Variants in ERBB4 observed in about 807,000 individuals in gnomAD.
The protein encoded by ERBB4 is erb-b2 receptor tyrosine kinase 4.
Under a neutral mutation model 158.0 loss-of-function variants are expected in ERBB4, and 42 were observed. The ratio of observed to expected loss-of-function variants is 0.27; its 90% confidence interval spans 0.21 to 0.34. ERBB4 has a LOEUF of 0.34. ERBB4 is among the 10% of genes least tolerant of loss of function. The pLI is 1.00. For synonymous variants in ERBB4, 583 were observed against 558.7 expected (o/e 1.04, Z -0.61); for missense variants, 1,333 against 1,624.1 (o/e 0.82, Z 3.08).
chr2:211,714,027 G>T (rs1199440062), intron 7 of ERBB4, among the ~76,000 whole-genome samples: 1 of 152,200 alleles, frequency 6.6e-6, no homozygotes, highest in African/African-American at 2.4e-5. Context: ...AAGCACAAAT[G>T]AAGCTTAAGT....
At chr2:211,840,900 G>A (rs1010677928) in intron 3 of ERBB4, among the ~76,000 whole-genome samples, 3 of 151,842 alleles carry the variant, frequency 2.0e-5, no homozygotes, top group Non-Finnish European at 4.4e-5. Context: ...AGATCAAGTG[G>A]GACACTTGCC....
intron 20 of ERBB4, among the ~76,000 whole-genome samples, chr2:211,521,258 C>T (rs1460817108): frequency 1.3e-5 from 2 of 152,100 alleles, no homozygotes; most frequent in East Asian, 3.9e-4. Context: ...AGTGCTACTC[C>T]AGTGAACACA....
At position 211,543,612 on chromosome 2, in the gene ERBB4, G is replaced by C. The variant is rs1363649231; in HGVS notation, c.2487+18291C>G. 2.0e-5 allele frequency among the ~76,000 whole-genome samples: 3 copies of C among 151,826 alleles called. No individual in the cohort carries two copies. The East Asian group carries it at 5.8e-4, about 29-fold the overall frequency. On this transcript the variant is annotated intron_variant, in intron 20 of 27. Coordinates refer to ENST00000342788, the MANE Select transcript of ERBB4 (RefSeq NM_005235.3). ...ATTTTTTTTAAAAAATCATAACTTG[G>C]AGAATCTCAGTATTTGAGTGATGAT...
At chr2:212,144,193 G>A (rs1335868790) in intron 1 of ERBB4, among the ~76,000 whole-genome samples, 1 of 151,948 alleles carries the variant, frequency 6.6e-6, no homozygotes, top group Admixed American at 6.6e-5. Context: ...TACTTTGAAC[G>A]TGAATTCTCA....
intron 20 of ERBB4, among the ~76,000 whole-genome samples, chr2:211,452,958 TAGAA>T (rs1266306886): frequency 6.6e-6 from 1 of 152,218 alleles, no homozygotes; most frequent in African/African-American, 2.4e-5. Flanking sequence ...TTAATATAGT[TAGAA>T]AGAAGCCATT....
chr2:211,713,087 T>C (rs1470919513), intron 8 of ERBB4, among the ~76,000 whole-genome samples: 1 of 152,160 alleles, frequency 6.6e-6, no homozygotes, highest in Non-Finnish European at 1.5e-5. Context: ...ATTTCATAGA[T>C]CTCATCTTTC....
At chr2:212,490,784 GC>G (rs1206620379) in intron 1 of ERBB4, among the ~76,000 whole-genome samples, 2 of 151,674 alleles carry the variant, frequency 1.3e-5, no homozygotes, top group Admixed American at 6.6e-5. Context: ...GGCTTTAATA[GC>G]CCTTGCATAG....
chr2:211,566,607 A>C (rs749184775), intron 19 of ERBB4, among the ~76,000 whole-genome samples: 10 of 152,186 alleles, frequency 6.6e-5, no homozygotes, highest in Non-Finnish European at 1.3e-4. Context: ...ATGATCTATT[A>C]TTACCTATTA....
chr2:212,284,385 G>A (rs1399079934), intron 1 of ERBB4, among the ~76,000 whole-genome samples: 7 of 151,928 alleles, frequency 4.6e-5, no homozygotes, highest in Non-Finnish European at 8.8e-5. Context: ...TAATTCTGCC[G>A]TCAGTCCCAT....
intron 3 of ERBB4, among the ~76,000 whole-genome samples, chr2:211,871,669 T>C (rs16847152): frequency 0.58 from 88,081 of 151,984 alleles, 25,839 homozygotes; most frequent in Middle Eastern, 0.67. Context: ...CAAAAGTGAA[T>C]AAAGAAAATC....
intron 2 of ERBB4, among the ~76,000 whole-genome samples, chr2:212,054,273 G>A (rs1311470281): frequency 6.6e-6 from 1 of 152,176 alleles, no homozygotes; most frequent in East Asian, 1.9e-4. Context: ...AATCATTTTT[G>A]TGGTGGAAAC....
chr2:212,441,651 C>T lies in ERBB4; in HGVS notation c.82+96798G>A, dbSNP rs185939572. 5.3e-5 allele frequency among the ~76,000 whole-genome samples: 8 copies of T among 151,960 alleles called. No homozygotes were observed. In the East Asian group the frequency reaches 1.5e-3, roughly 29 times the overall value. On this transcript the variant is annotated intron_variant, in intron 1 of 27. Transcript: ENST00000342788. ...GGCTGAATTTATTTATTTGAGCCCA[C>T]TAAATAGGGGCTCTGCTTTTAATGT...
In ERBB4 at chr2:211,914,634, A is replaced by G. The variant is rs1375198475; in HGVS notation, c.421+32796T>C. Among the ~76,000 whole-genome samples, 3 of 152,130 alleles carry G rather than the reference A, an allele frequency of 2.0e-5. No individual in the cohort carries two copies. The East Asian group carries it at 5.8e-4, about 29-fold the overall frequency. On this transcript the variant is annotated intron_variant, in intron 3 of 27. Transcript: ENST00000342788. ...AATTACATGTTATAGGTGGAACTAT[A>G]AATGCATGTATAAGAGTTAAACATA...
At chr2:211,947,717 T>C in intron 2 of ERBB4, 101 bp from the exon 3 acceptor site, 1 of 990,850 alleles carries the variant, frequency 1.0e-6, no homozygotes, top group Non-Finnish European at 1.5e-6. Context: ...TAATTTTCAG[T>C]TTTTAGTTTA....
chr2:212,259,937 G>A (rs1233835540), intron 1 of ERBB4, among the ~76,000 whole-genome samples: 1 of 151,854 alleles, frequency 6.6e-6, no homozygotes, highest in Non-Finnish European at 1.5e-5. Context: ...GGACATGGTG[G>A]TGCATCCTGT....
At chr2:212,324,106 G>A (rs889901881) in intron 1 of ERBB4, among the ~76,000 whole-genome samples, 1 of 150,692 alleles carries the variant, frequency 6.6e-6, no homozygotes, top group African/African-American at 2.4e-5. Context: ...CCTGCTGGAT[G>A]TGAAAAAGGC....
chr2:211,816,144 T>C (rs992750766), intron 3 of ERBB4, among the ~76,000 whole-genome samples: 2 of 152,198 alleles, frequency 1.3e-5, no homozygotes, highest in Non-Finnish European at 2.9e-5. Context: ...CTCCCTTTTT[T>C]ATATCCTGTT....
intron 4 of ERBB4, among the ~76,000 whole-genome samples, chr2:211,751,989 C>T (rs2075143958): frequency 6.6e-6 from 1 of 152,130 alleles, no homozygotes; most frequent in Non-Finnish European, 1.5e-5. Flanking sequence ...TAAAGCAATT[C>T]TATTTGTGAA....
In ERBB4 at chr2:212,000,141, T is replaced by C. The variant is rs1406445667; in HGVS notation, c.235-52525A>G. Among the ~76,000 whole-genome samples, 3 of 151,802 alleles carry C rather than the reference T, an allele frequency of 2.0e-5. No individual in the cohort carries two copies. The East Asian group carries it at 5.8e-4, about 29-fold the overall frequency. On this transcript the variant is annotated intron_variant, in intron 2 of 27. Coordinates refer to ENST00000342788, the MANE Select transcript of ERBB4 (RefSeq NM_005235.3). Reference sequence around the variant, plus strand: ...AACACTACCATTTAGTTTCATGTTTTTCACATCAATAAGCAGGAATGTATC... The same window carrying C: ...AACACTACCATTTAGTTTCATGTTTCTCACATCAATAAGCAGGAATGTATC...
Sources: gnomAD v4.1 joint callset for allele counts (sites outside exome capture counted in the v4.1 genomes callset) on GRCh38, gnomAD v4.1.1 for gene constraint, MANE v1.5 for transcripts, NCBI Gene and HGNC (gene_info 2026-07-23, HGNC 2026-07-21) for gene names.